The following PPP1R7 variants were observed in gnomAD, a reference collection of about 807,000 sequenced individuals.
PPP1R7 encodes the protein protein phosphatase 1 regulatory subunit 22.
A neutral mutation model predicts 45.2 loss-of-function variants in PPP1R7; 18 were observed. That is an observed-to-expected ratio of 0.40 (90% CI 0.28 to 0.59). PPP1R7 has a LOEUF of 0.59. Among genes scored for constraint, PPP1R7 ranks in the 20% least tolerant of loss-of-function variants. The pLI is 0.46. For missense variants in PPP1R7, 314 were observed against 455.8 expected (o/e 0.69, Z 2.83); for synonymous variants, 181 against 183.4 (o/e 0.99, Z 0.11).
In PPP1R7 at chr2:241,182,877, G is replaced by A. The variant is rs1326265530; in HGVS notation, c.*54G>A. 3 of 1,572,432 alleles carry A rather than the reference G, an allele frequency of 1.9e-6. No homozygotes were observed. The highest frequency in any genetic ancestry group is 2.3e-5 in the East Asian group (1 of 43,938). ...CTCCTCGGAAGAACTGCCCAGCCAC[G>A]GGTTTTTAACCCACCTGTTGCTCCT... On this transcript the variant is annotated 3_prime_UTR_variant, in exon 10 of 10. Transcript: ENST00000234038.
At chr2:241,149,793 C>T (rs1043615102), upstream of PPP1R7, 2 of 1,534,410 alleles carry the variant, frequency 1.3e-6, no homozygotes, top group African/African-American at 1.4e-5. Context: ...CGGGTGGCTC[C>T]GCAGGGTAGA....
chr2:241,173,598 C>T (rs74003614), intron 9 of PPP1R7, among the ~76,000 whole-genome samples: 7,987 of 152,188 alleles, frequency 0.052, 716 homozygotes, highest in African/African-American at 0.18. Context: ...AATCTATGGT[C>T]TTCATCAAAT....
At chr2:241,150,099 G>T (rs1045694181), upstream of PPP1R7, 2 of 1,263,158 alleles carry the variant, frequency 1.6e-6, no homozygotes, top group African/African-American at 1.6e-5. Flanking sequence ...GGAAAGATCC[G>T]CCTGGCCCGC....
chr2:241,167,006 T>C (rs565584215), intron 8 of PPP1R7: 2 of 1,592,970 alleles, frequency 1.3e-6, no homozygotes, highest in Non-Finnish European at 1.7e-6. Flanking sequence ...TCCTCACCTG[T>C]TCATGCTCCT....
At chr2:241,150,335 G>A, upstream of PPP1R7, 1 of 1,318,610 alleles carries the variant, frequency 7.6e-7, no homozygotes, top group Non-Finnish European at 9.7e-7. Context: ...GCGGCCTCAT[G>A]ACGGAACTAC....
intron 9 of PPP1R7, among the ~76,000 whole-genome samples, chr2:241,173,850 C>T (rs2067861021): frequency 6.6e-6 from 1 of 151,704 alleles, no homozygotes; most frequent in Non-Finnish European, 1.5e-5. Context: ...TGCTGTTAAG[C>T]CCATGTCATG....
At chr2:241,161,599 C>T (rs908177296) in intron 6 of PPP1R7, among the ~76,000 whole-genome samples, 6 of 152,220 alleles carry the variant, frequency 3.9e-5, no homozygotes, top group African/African-American at 1.4e-4. Flanking sequence ...CTCCAGGATC[C>T]ATTTGACCTT....
intron 1 of PPP1R7, among the ~76,000 whole-genome samples, chr2:241,151,175 C>T (rs1448491723): frequency 6.6e-6 from 1 of 152,186 alleles, no homozygotes; most frequent in African/African-American, 2.4e-5. Flanking sequence ...TAATTTTCTG[C>T]ATATCTGTAG....
rs1323848877 is a variant in PPP1R7 at position 241,159,342 on chromosome 2, G to A, written c.433G>A (p.Glu145Lys). 3.1e-6 allele frequency: 5 copies of A among 1,612,730 alleles called. No homozygotes were observed. The highest frequency in any genetic ancestry group is 3.4e-6 in the Non-Finnish European group (4 of 1,179,192). ...GAATCTGGAGGCGCTAACAGAGCTG[G>A]AGTGAGTCATGAGACCCACAGGAGA... ...IENLEALTEL[E>K]ILDISFNLLR... Residue 145 changes from glutamate to lysine, a missense_variant and splice_region_variant, in exon 5 of 10, where the codon GAG becomes AAG. Physicochemically the swap from Glu to Lys is moderately conservative, Grantham distance 56. Around this residue, in one of 3 missense-constraint regions of PPP1R7, gnomAD observed 168 missense variants for 285.3 expected, o/e 0.59. Transcript: ENST00000234038.
chr2:241,150,591 G>C (rs769607652), intron 1 of PPP1R7, 44 bp downstream of exon 1: 14 of 1,564,416 alleles, frequency 8.9e-6, no homozygotes, highest in Admixed American at 5.5e-5. Flanking sequence ...CCAGCGGGCG[G>C]GGGGAGCTGC....
In PPP1R7 at chr2:241,166,357, C is replaced by T. The variant is rs199789467; in HGVS notation, c.735C>T (p.Ile245=). The T allele has an allele frequency of 2.7e-5, 43 of 1,613,882 alleles. No individual in the cohort carries two copies. Among genetic ancestry groups the T allele is most frequent in the Middle Eastern group, 1.6e-4 (1 of 6,084 alleles). The change falls in exon 8 of 10, where the codon ATC becomes ATT. Residue 245 remains isoleucine (I), a synonymous_variant. Transcript: ENST00000234038. ...TGCAGAGCAACCGGCTGACCAAGATCGAGGGTCTGCAGAACCTGGTGAACC... is the reference window on the plus strand; with the variant it reads ...TGCAGAGCAACCGGCTGACCAAGATTGAGGGTCTGCAGAACCTGGTGAACC... ...LSMQSNRLTK[I]EGLQNLVNLR... is the part of the protein sequence containing the mutation.
rs1489739710 is a variant in PPP1R7 at position 241,173,928 on chromosome 2, T to TG, written c.906+4061_906+4062insG. On this transcript the variant is annotated intron_variant, in intron 9 of 9. Coordinates refer to ENST00000234038, the MANE Select transcript of PPP1R7 (RefSeq NM_002712.3). ...AACATTTGGCTTTATTTTTTTTTTT[T>TG]TGGTAGATTATTTTTCTCTCTTCAT... Among the ~76,000 whole-genome samples, 13 of 152,110 alleles carry TG rather than the reference T, an allele frequency of 8.5e-5. No individual in the cohort carries two copies. In the South Asian group the frequency reaches 1.7e-3, roughly 19 times the overall value.
chr2:241,160,309 A>G, intron 5 of PPP1R7, 23 bp from the exon 6 acceptor site: 1 of 1,570,734 alleles, frequency 6.4e-7, no homozygotes, highest in South Asian at 1.2e-5. Context: ...ATTTTTTTAA[A>G]AAACTGTTTT....
chr2:241,174,767 T>C (rs1041733058), intron 9 of PPP1R7, among the ~76,000 whole-genome samples: 7 of 151,850 alleles, frequency 4.6e-5, no homozygotes, highest in African/African-American at 1.7e-4. Flanking sequence ...CTCCGCCTCC[T>C]GGGTTCACAC....
chr2:241,164,009 T>C (rs1005455880), intron 7 of PPP1R7, among the ~76,000 whole-genome samples: 1 of 152,114 alleles, frequency 6.6e-6, no homozygotes, highest in Non-Finnish European at 1.5e-5. Context: ...CTCACACTCC[T>C]AGGCTCAAGC....
chr2:241,153,668 G>T (rs781220086), intron 2 of PPP1R7, 64 bp downstream of exon 2: 72 of 1,583,286 alleles, frequency 4.5e-5, no homozygotes, highest in Non-Finnish European at 6.1e-5. Flanking sequence ...GCTGCACGTG[G>T]TCTGGCCCTG....
At chr2:241,173,340 C>T (rs1449710160) in intron 9 of PPP1R7, among the ~76,000 whole-genome samples, 7 of 150,992 alleles carry the variant, frequency 4.6e-5, no homozygotes, top group African/African-American at 1.2e-4. Context: ...AACTCCTGAG[C>T]TCAGACAGTC....
At chr2:241,174,433 A>T (rs541663417) in intron 9 of PPP1R7, among the ~76,000 whole-genome samples, 19 of 152,152 alleles carry the variant, frequency 1.2e-4, no homozygotes, top group African/African-American at 3.9e-4. Context: ...TTTTCCCTAC[A>T]TAGCTCACTC....
chr2:241,155,390 C>T (rs1010078400), intron 2 of PPP1R7: 1 of 152,120 alleles, frequency 6.6e-6, no homozygotes, highest in South Asian at 2.1e-4. Context: ...GTTTTTTCTT[C>T]GAGATGATTA....
Sources: allele counts gnomAD v4.1 joint callset (sites outside exome capture counted in the v4.1 genomes callset), GRCh38; gene constraint gnomAD v4.1.1; regional missense constraint gnomAD v4.1.1; transcripts MANE v1.5; gene names NCBI Gene and HGNC (gene_info 2026-07-23, HGNC 2026-07-21).